Variants in SLC24A3 observed in about 807,000 individuals in gnomAD.
The protein encoded by SLC24A3 is solute carrier family 24 member 3, also known as sodium/potassium/calcium exchanger 3.
In SLC24A3, 28 loss-of-function variants were observed where a neutral mutation model predicts 75.8. The ratio of observed to expected loss-of-function variants is 0.37; its 90% CI spans 0.27 to 0.51. The LOEUF is 0.51. SLC24A3 is among the 20% of genes least tolerant of loss of function. SLC24A3 has a pLI of 0.94. For missense variants in SLC24A3, 663 were observed against 847.8 expected, an observed-to-expected ratio of 0.78 and a Z score of 2.71; for synonymous variants, 372 against 334.1, an observed-to-expected ratio of 1.11 and a Z score of -1.24.
At chr20:19,239,273 C>T (rs1982265032) in intron 1 of SLC24A3, among the ~76,000 whole-genome samples, 1 of 152,192 alleles carries the variant, frequency 6.6e-6, no homozygotes. Flanking sequence ...ACAGGAGAAG[C>T]AGCCCCAGTA....
intron 10 of SLC24A3, 88 bp from the exon 11 acceptor site, chr20:19,684,083 GGAAGA>G: frequency 7.1e-7 from 1 of 1,400,080 alleles, no homozygotes; most frequent in South Asian, 1.3e-5. Flanking sequence ...AAAGAAGGGA[GGAAGA>G]GAAAAGAAGG....
intron 2 of SLC24A3, among the ~76,000 whole-genome samples, chr20:19,508,340 T>G (rs77184663): frequency 0.017 from 2,625 of 152,266 alleles, 67 homozygotes; most frequent in African/African-American, 0.06. Flanking sequence ...GTCACTGGGA[T>G]GGCAGACTGG....
At chr20:19,532,206 G>C (rs748131131) in intron 3 of SLC24A3, among the ~76,000 whole-genome samples, 1 of 152,212 alleles carries the variant, frequency 6.6e-6, no homozygotes, top group Non-Finnish European at 1.5e-5. Flanking sequence ...ATGCAGCCAG[G>C]GGACCATGGA....
At chr20:19,354,607 T>C (rs1985642065) in intron 2 of SLC24A3, among the ~76,000 whole-genome samples, 1 of 141,078 alleles carries the variant, frequency 7.1e-6, no homozygotes, top group African/African-American at 3.1e-5. Flanking sequence ...TGTGTGTGTG[T>C]GTGTGTGTGT....
intron 3 of SLC24A3, among the ~76,000 whole-genome samples, chr20:19,554,406 G>A (rs1158843609): frequency 1.3e-5 from 2 of 152,128 alleles, no homozygotes; most frequent in Non-Finnish European, 2.9e-5. Context: ...TACTCCGGAA[G>A]TGCTTCTAAC....
chr20:19,316,503 T>C (rs549981286), intron 2 of SLC24A3, among the ~76,000 whole-genome samples: 1 of 152,346 alleles, frequency 6.6e-6, no homozygotes, highest in East Asian at 1.9e-4. Flanking sequence ...TAATCTGAGC[T>C]ATGGCTCATA....
chr20:19,677,945 A>G (rs2032547169), intron 9 of SLC24A3, among the ~76,000 whole-genome samples: 2 of 151,292 alleles, frequency 1.3e-5, no homozygotes, highest in East Asian at 3.9e-4. Context: ...CTGTTTAACA[A>G]AGCACATCTT....
intron 2 of SLC24A3, among the ~76,000 whole-genome samples, chr20:19,457,873 C>T (rs559389068): frequency 3.5e-4 from 54 of 152,224 alleles, no homozygotes; most frequent in Admixed American, 5.9e-4. Context: ...CTGTGGTAAT[C>T]GAGAGTGGCA....
chr20:19,491,932 G>C (rs765899244), intron 2 of SLC24A3, among the ~76,000 whole-genome samples: 1 of 151,982 alleles, frequency 6.6e-6, no homozygotes, highest in African/African-American at 2.4e-5. Flanking sequence ...CCTGGGCAGG[G>C]CAGCAGTGTC....
At chr20:19,528,910 T>C (rs1287811199) in intron 3 of SLC24A3, among the ~76,000 whole-genome samples, 1 of 152,180 alleles carries the variant, frequency 6.6e-6, no homozygotes, top group African/African-American at 2.4e-5. Flanking sequence ...CCCAAATTCA[T>C]TGGATTTCAT....
At chr20:19,325,821 GAGA>G (rs1984844324) in intron 2 of SLC24A3, among the ~76,000 whole-genome samples, 1 of 111,372 alleles carries the variant, frequency 9.0e-6, no homozygotes, top group Non-Finnish European at 1.7e-5. Context: ...GAGAGAGAGA[GAGA>G]GAGAGAGAGA....
At chr20:19,392,176 A>G (rs956179491) in intron 2 of SLC24A3, among the ~76,000 whole-genome samples, 2 of 149,594 alleles carry the variant, frequency 1.3e-5, no homozygotes, top group African/African-American at 2.5e-5. Context: ...ATATCTTAAC[A>G]GTTTCCTGAG....
intron 2 of SLC24A3, among the ~76,000 whole-genome samples, chr20:19,291,050 G>T (rs1247332456): frequency 3.3e-5 from 5 of 152,208 alleles, no homozygotes; most frequent in Non-Finnish European, 7.3e-5. Flanking sequence ...CTATTTGTGG[G>T]TCTAATCTTG....
intron 3 of SLC24A3, among the ~76,000 whole-genome samples, chr20:19,579,192 A>G (rs2031182944): frequency 6.6e-6 from 1 of 152,196 alleles, no homozygotes; most frequent in South Asian, 2.1e-4. Flanking sequence ...CTCCTTAGGA[A>G]AGAGTGGGAG....
chr20:19,558,303 G>A lies in SLC24A3; in HGVS notation c.349-21697G>A, dbSNP rs569275678. ...GTCACCCAGGCTGGGGTGCAGTGGT[G>A]TAAGAAACTTTTTATTTTGAAATAA... On this transcript the variant is annotated intron_variant, in intron 3 of 16. Transcript: ENST00000328041. Among the ~76,000 whole-genome samples the A allele has an allele frequency of 2.0e-5, 3 of 152,186 alleles. 1 individual carries two copies. Among genetic ancestry groups the A allele is most frequent in the African/African-American group, 7.2e-5 (3 of 41,516 alleles).
chr20:19,671,956 A>T (rs1305667187), intron 8 of SLC24A3, among the ~76,000 whole-genome samples: 4 of 152,144 alleles, frequency 2.6e-5, no homozygotes, highest in Admixed American at 1.3e-4. Context: ...GCAGGAAGGA[A>T]GCCAGGGGTG....
intron 2 of SLC24A3, among the ~76,000 whole-genome samples, chr20:19,289,386 T>A (rs971666587): frequency 2.6e-5 from 4 of 152,346 alleles, no homozygotes; most frequent in African/African-American, 9.6e-5. Flanking sequence ...TTGGAATTGC[T>A]TTCCTCTGGG....
intron 4 of SLC24A3, among the ~76,000 whole-genome samples, chr20:19,580,291 G>A (rs1019213678): frequency 1.3e-5 from 2 of 152,028 alleles, no homozygotes; most frequent in South Asian, 4.2e-4. Context: ...ATAATCAGAC[G>A]AAAACCCACA....
intron 2 of SLC24A3, among the ~76,000 whole-genome samples, chr20:19,325,732 ATGTG>A (rs552339138): frequency 9.2e-5 from 7 of 75,904 alleles, no homozygotes; most frequent in East Asian, 2.9e-4. Context: ...ATATATATAT[ATGTG>A]TGTGTGTGTG....
Sources: gnomAD v4.1 joint callset for allele counts (sites outside exome capture counted in the v4.1 genomes callset) on GRCh38, gnomAD v4.1.1 for gene constraint, MANE v1.5 for transcripts, NCBI Gene and HGNC (gene_info 2026-07-23, HGNC 2026-07-21) for gene names.